VPS35L: variants seen among roughly 807,000 people sequenced by gnomAD.
VPS35L encodes VPS35 endosomal protein-sorting factor-like.
Under a neutral mutation model 133.0 loss-of-function variants are expected in VPS35L, and 83 were observed. That is an observed-to-expected ratio of 0.62 (90% CI 0.52 to 0.75). The LOEUF (loss-of-function observed/expected upper bound fraction) is 0.75, where lower values mean the gene tolerates loss of function less well. Among genes scored for constraint, VPS35L ranks in the 30% least tolerant of loss-of-function variants. The pLI, the probability that VPS35L is intolerant of heterozygous loss-of-function variation, is 0.00. For synonymous variants in VPS35L, 423 were observed against 449.9 expected (o/e 0.94, Z 0.76); for missense variants, 1,083 against 1,206.8 (o/e 0.90, Z 1.52).
At chr16:19,667,524 A>G (rs1023598450) in intron 26 of VPS35L, among the ~76,000 whole-genome samples, 3 of 152,098 alleles carry the variant, frequency 2.0e-5, no homozygotes, top group African/African-American at 4.8e-5. Context: ...GCTTGAGCTC[A>G]GGAGTTTGGG....
In VPS35L at chr16:19,639,231, T is replaced by G. The variant is rs1046191694; in HGVS notation, c.1699-784T>G. On this transcript the variant is annotated intron_variant, in intron 20 of 30. Coordinates refer to ENST00000417362, the MANE Select transcript of VPS35L (RefSeq NM_020314.7). This position sits in a 1 kb window ranked among gnomAD's most constrained non-coding sequence, Gnocchi z 4.1. ...GGGAGCAACTACCATATTCCCACTTTACAGATGAGAAAACTGATGCAGGAA... is the reference window on the plus strand; with the variant it reads ...GGGAGCAACTACCATATTCCCACTTGACAGATGAGAAAACTGATGCAGGAA... Among the ~76,000 whole-genome samples the G allele has an allele frequency of 6.6e-6, 1 of 152,206 alleles. No homozygotes were observed. The highest frequency in any genetic ancestry group is 1.5e-5 in the Non-Finnish European group (1 of 68,028).
At chr16:19,687,107 A>T (rs2151622449) in intron 28 of VPS35L, among the ~76,000 whole-genome samples, 1 of 152,200 alleles carries the variant, frequency 6.6e-6, no homozygotes, top group South Asian at 2.1e-4. Context: ...CTTGTCCCCC[A>T]CTAGGTTCCC....
At chr16:19,638,476 T>C (rs1973688485) in intron 20 of VPS35L, among the ~76,000 whole-genome samples, 1 of 152,228 alleles carries the variant, frequency 6.6e-6, no homozygotes, top group Non-Finnish European at 1.5e-5. Flanking sequence ...CTATGTTTTA[T>C]CCTATACATA....
At chr16:19,688,860 G>A (rs1975561928) in intron 28 of VPS35L, among the ~76,000 whole-genome samples, 1 of 152,182 alleles carries the variant, frequency 6.6e-6, no homozygotes, top group African/African-American at 2.4e-5. Flanking sequence ...GTTTTGTTGT[G>A]AACTCTAGGG....
At chr16:19,636,656 T>C (rs1973631343) in intron 19 of VPS35L, among the ~76,000 whole-genome samples, 3 of 152,350 alleles carry the variant, frequency 2.0e-5, no homozygotes, top group African/African-American at 7.2e-5. Context: ...TGTTCTGTTT[T>C]TAGAACATGA....
intron 2 of VPS35L, among the ~76,000 whole-genome samples, chr16:19,566,567 A>G (rs1971196836): frequency 6.6e-6 from 1 of 152,190 alleles, no homozygotes; most frequent in African/African-American, 2.4e-5. Flanking sequence ...ATAATTCATG[A>G]ATTGGGCAGC....
intron 23 of VPS35L, among the ~76,000 whole-genome samples, chr16:19,645,290 CTTTT>C (rs11337040): frequency 4.7e-5 from 6 of 128,464 alleles, no homozygotes; most frequent in Admixed American, 8.0e-5. Context: ...TGTCTTTTTT[CTTTT>C]TTTTTTTTTT....
chr16:19,565,969 C>T (rs926187628), intron 2 of VPS35L, among the ~76,000 whole-genome samples: 3 of 152,132 alleles, frequency 2.0e-5, no homozygotes, highest in African/African-American at 7.2e-5. Context: ...TTGGTACTGT[C>T]TTATTAGCAA....
chr16:19,587,379 C>G (rs1478076907), intron 7 of VPS35L: 1 of 450,014 alleles, frequency 2.2e-6, no homozygotes. Context: ...CCTGTAATCC[C>G]AGCACTTTGG....
In VPS35L at chr16:19,564,966, G is replaced by A; in HGVS notation, c.117+16G>A. The A allele has an allele frequency of 6.5e-7, 1 of 1,547,852 alleles. No individual in the cohort carries two copies. The highest frequency in any genetic ancestry group is 1.7e-5 in the Admixed American group (1 of 59,522). ...ACCCATAACTGTAAGTTTTGTTAAGGGTCTTTCTGAATGATATTCTTATCC... is the reference window on the plus strand; with the variant it reads ...ACCCATAACTGTAAGTTTTGTTAAGAGTCTTTCTGAATGATATTCTTATCC... On this transcript the variant is annotated intron_variant, in intron 2 of 30. Transcript: ENST00000417362.
In VPS35L at chr16:19,671,400, C is replaced by T. The variant is rs190359801; in HGVS notation, c.2361+2101C>T. Among the ~76,000 whole-genome samples the T allele has an allele frequency of 2.4e-3, 360 of 147,540 alleles. 2 individuals carry two copies. Among genetic ancestry groups the T allele is most frequent in the African/African-American group, 8.2e-3 (326 of 39,718 alleles). On this transcript the variant is annotated intron_variant, in intron 27 of 30. Coordinates refer to ENST00000417362, the MANE Select transcript of VPS35L (RefSeq NM_020314.7). ...AGGAGAATCGCTTGAACCCAGGAGG[C>T]GGAGGTTGCAGTGAGCCGAGATTGC...
intron 14 of VPS35L, among the ~76,000 whole-genome samples, chr16:19,619,412 TGCTG>T (rs1467039262): frequency 6.6e-6 from 1 of 152,194 alleles, no homozygotes; most frequent in Non-Finnish European, 1.5e-5. Flanking sequence ...GAAGTTTTGC[TGCTG>T]GTTCTCTATG....
intron 27 of VPS35L, among the ~76,000 whole-genome samples, chr16:19,676,731 G>A (rs898880749): frequency 2.6e-5 from 4 of 152,142 alleles, no homozygotes; most frequent in African/African-American, 7.2e-5. Flanking sequence ...TCATCATTCC[G>A]TCTATTCCAC....
intron 19 of VPS35L, among the ~76,000 whole-genome samples, chr16:19,634,546 A>G (rs1254388460): frequency 6.6e-6 from 1 of 152,204 alleles, no homozygotes; most frequent in African/African-American, 2.4e-5. Context: ...AACAGATTAT[A>G]GCCCATTGAG....
rs146338380 is a variant in VPS35L, at chr16:19,651,937, G to A, written c.2107-39G>A. On this transcript the variant is annotated intron_variant, in intron 25 of 30. Transcript: ENST00000417362. The stretch of plus-strand genomic sequence containing the variant: ...AAAACAGGAGTATGATTCTGCCACC[G>A]TTGCACTGCTAGCGTTAATGTTTCT... 4.0e-4 allele frequency: 558 copies of A among 1,403,894 alleles called. 3 individuals carry two copies. Among genetic ancestry groups the A allele is most frequent in the African/African-American group, 9.9e-5 (7 of 70,688 alleles). The allele number at this position is 1,403,894 out of a possible 1,614,324, so 87.0% of individuals were successfully genotyped here. A position where few individuals can be genotyped will look rare whatever the true frequency, so the allele number is the denominator to read the frequency against.
intron 26 of VPS35L, among the ~76,000 whole-genome samples, chr16:19,667,888 G>C (rs1974749249): frequency 6.6e-6 from 1 of 152,196 alleles, no homozygotes; most frequent in Admixed American, 6.6e-5. Flanking sequence ...CACAGTTGGG[G>C]CTTAATAAAT....
chr16:19,685,363 C>T (rs116739389), intron 28 of VPS35L, among the ~76,000 whole-genome samples: 551 of 152,312 alleles, frequency 3.6e-3, no homozygotes, highest in African/African-American at 0.012. Context: ...GTATGCAAAA[C>T]GGTAGTTCAC....
At chr16:19,603,844 GCCTC>G (rs1972462560) in intron 9 of VPS35L, among the ~76,000 whole-genome samples, 1 of 152,168 alleles carries the variant, frequency 6.6e-6, no homozygotes, top group Admixed American at 6.5e-5. Context: ...CGATTCTCCT[GCCTC>G]AGCCTCCCAA....
intron 14 of VPS35L, among the ~76,000 whole-genome samples, chr16:19,619,385 T>C (rs894497835): frequency 6.6e-6 from 1 of 152,158 alleles, no homozygotes; most frequent in African/African-American, 2.4e-5. Context: ...CAAGCCAGTA[T>C]AAAGGAAAGA....
Sources: gnomAD v4.1 joint callset for allele counts (sites outside exome capture counted in the v4.1 genomes callset) on GRCh38, gnomAD v4.1.1 for gene constraint, Gnocchi (gnomAD v3.1) non-coding constraint, MANE v1.5 for transcripts, NCBI Gene and HGNC (gene_info 2026-07-23, HGNC 2026-07-21) for gene names.